The following SLC2A13 variants were observed in gnomAD, a reference collection of about 807,000 sequenced individuals.
The protein encoded by SLC2A13 is solute carrier family 2 member 13.
A neutral mutation model predicts 64.4 loss-of-function variants in SLC2A13; 32 were observed. The observed-to-expected ratio is 0.50, with a 90% CI of 0.37 to 0.67. The LOEUF (loss-of-function observed/expected upper bound fraction) is 0.67. Ranked by LOEUF, SLC2A13 falls within the 30% of genes least tolerant of loss-of-function variation. The pLI is 0.00. For missense variants in SLC2A13, 743 were observed against 829.2 expected (o/e 0.90, Z 1.28); for synonymous variants, 338 against 327.1 (o/e 1.03, Z -0.36).
At chr12:40,087,799 G>A (rs1033694475) in intron 1 of SLC2A13, among the ~76,000 whole-genome samples, 9 of 152,030 alleles carry the variant, frequency 5.9e-5, no homozygotes, top group Non-Finnish European at 1.3e-4. Context: ...GAAACCTAGG[G>A]CTCAGAAGGG....
chr12:39,837,286 T>C (rs1943037341), intron 6 of SLC2A13, among the ~76,000 whole-genome samples: 1 of 149,558 alleles, frequency 6.7e-6, no homozygotes, highest in Non-Finnish European at 1.5e-5. Flanking sequence ...TGGCTAGCCA[T>C]ATGTAGGAAG....
rs1397912164 is a variant in SLC2A13, at chr12:39,755,470, T to C, written c.*4556A>G. 2.0e-5 allele frequency: 3 copies of C among 152,246 alleles called. No homozygotes were observed. The highest frequency in any genetic ancestry group is 7.2e-5 in the African/African-American group (3 of 41,568). 9.4% of individuals were successfully genotyped at this position (152,246 alleles called of 1,614,324 possible). On this transcript the variant is annotated 3_prime_UTR_variant, in exon 10 of 10. Coordinates refer to ENST00000280871, the MANE Select transcript of SLC2A13 (RefSeq NM_052885.4). ...AATATTTATTACAAATAAAAGATACTTTAACATCAAGTGATATATAGTCCA... is the reference window on the plus strand; with the variant it reads ...AATATTTATTACAAATAAAAGATACCTTAACATCAAGTGATATATAGTCCA...
At position 39,758,688 on chromosome 12, in the gene SLC2A13, C is replaced by T. The variant is rs1255003206; in HGVS notation, c.*1338G>A. 6.6e-6 allele frequency: 1 copy of T among 151,870 alleles called. No individual in the cohort carries two copies. The highest frequency in any genetic ancestry group is 6.6e-5 in the Admixed American group (1 of 15,218). 9.4% of individuals were successfully genotyped at this position (151,870 alleles called of 1,614,324 possible). ...TAAGCCTGCATTTCTTATAGACGTGCTATATTAGAACCAATTATCTGTTCC... is the reference window on the plus strand; with the variant it reads ...TAAGCCTGCATTTCTTATAGACGTGTTATATTAGAACCAATTATCTGTTCC... On this transcript the variant is annotated 3_prime_UTR_variant, in exon 10 of 10. Transcript: ENST00000280871.
intron 4 of SLC2A13, among the ~76,000 whole-genome samples, chr12:39,940,831 C>G (rs1238264252): frequency 1.3e-5 from 2 of 151,776 alleles, no homozygotes; most frequent in African/African-American, 4.8e-5. Context: ...GTATATACTG[C>G]ACCATATTTG....
chr12:40,005,814 G>T (rs1947406009), intron 3 of SLC2A13, among the ~76,000 whole-genome samples: 1 of 152,032 alleles, frequency 6.6e-6, no homozygotes, highest in Admixed American at 6.6e-5. Flanking sequence ...GTATCTGAGG[G>T]GTATCCTGGA....
At chr12:40,028,639 A>G in intron 2 of SLC2A13, 130 bp from the exon 3 acceptor site, 1 of 817,118 alleles carries the variant, frequency 1.2e-6, no homozygotes, top group South Asian at 1.9e-5. Flanking sequence ...TTGTGCATTT[A>G]TGTGTGTGTC....
chr12:40,071,135 TAAA>T, intron 1 of SLC2A13, among the ~76,000 whole-genome samples: 1 of 152,172 alleles, frequency 6.6e-6, no homozygotes, highest in East Asian at 1.9e-4. Context: ...CTAAGCATCT[TAAA>T]AAGTCCATTT....
Position 39,920,726 on chromosome 12 carries a change from G to T in SLC2A13, c.1034+30531C>A, listed in dbSNP as rs1023698705. Among the ~76,000 whole-genome samples the T allele has an allele frequency of 2.0e-5, 3 of 152,046 alleles. 1 individual carries two copies. The highest frequency in any genetic ancestry group is 4.4e-5 in the Non-Finnish European group (3 of 68,022). ...AGCTTCTGTATCTATAAAACCAGCAGAGAAATCATATCAACCACATAAAGG... is the reference window on the plus strand; with the variant it reads ...AGCTTCTGTATCTATAAAACCAGCATAGAAATCATATCAACCACATAAAGG... On this transcript the variant is annotated intron_variant, in intron 4 of 9. Coordinates refer to ENST00000280871, the MANE Select transcript of SLC2A13 (RefSeq NM_052885.4).
intron 4 of SLC2A13, among the ~76,000 whole-genome samples, chr12:39,926,390 C>T (rs1050707312): frequency 6.6e-6 from 1 of 152,100 alleles, no homozygotes; most frequent in Non-Finnish European, 1.5e-5. Context: ...GCTACCCAGA[C>T]TTTTATTATA....
At chr12:40,057,728 C>T (rs1204425299) in intron 1 of SLC2A13, among the ~76,000 whole-genome samples, 1 of 152,072 alleles carries the variant, frequency 6.6e-6, no homozygotes, top group Non-Finnish European at 1.5e-5. Context: ...ATAACAATGG[C>T]TAAGAATTTT....
chr12:39,796,188 A>G (rs1035211521), intron 7 of SLC2A13, among the ~76,000 whole-genome samples: 1 of 152,178 alleles, frequency 6.6e-6, no homozygotes, highest in Non-Finnish European at 1.5e-5. Context: ...TATGCATGGC[A>G]ATTTTCATAT....
At chr12:40,050,730 G>A (rs1948241075) in intron 1 of SLC2A13, among the ~76,000 whole-genome samples, 1 of 152,152 alleles carries the variant, frequency 6.6e-6, no homozygotes, top group African/African-American at 2.4e-5. Flanking sequence ...ACCCAATTTT[G>A]ATGGCACAAA....
At chr12:39,773,252 C>G (rs1161889990) in intron 7 of SLC2A13, among the ~76,000 whole-genome samples, 9 of 152,068 alleles carry the variant, frequency 5.9e-5, no homozygotes, top group Non-Finnish European at 1.2e-4. Flanking sequence ...CTGCAGTGGA[C>G]AAAGCAGCAG....
chr12:40,023,046 C>G (rs28370677), intron 3 of SLC2A13, among the ~76,000 whole-genome samples: 1 of 152,194 alleles, frequency 6.6e-6, no homozygotes, highest in African/African-American at 2.4e-5. Flanking sequence ...CCTTCCTTTA[C>G]TCAATCTGTC....
chr12:39,904,977 A>G (rs1945227739), intron 4 of SLC2A13, among the ~76,000 whole-genome samples: 1 of 152,072 alleles, frequency 6.6e-6, no homozygotes, highest in Admixed American at 6.6e-5. Context: ...AACTATCCCA[A>G]TCTCAACTGT....
intron 4 of SLC2A13, among the ~76,000 whole-genome samples, chr12:39,937,157 C>T (rs76459387): frequency 0.024 from 3,683 of 152,238 alleles, 77 homozygotes; most frequent in Non-Finnish European, 0.03. Context: ...AAATGTAAAT[C>T]TGGGAAGAGG....
At chr12:40,036,346 A>T (rs1404543243) in intron 2 of SLC2A13, among the ~76,000 whole-genome samples, 1 of 152,234 alleles carries the variant, frequency 6.6e-6, no homozygotes, top group Non-Finnish European at 1.5e-5. Context: ...TATACAAGAA[A>T]ATGCAGAGAT....
chr12:39,979,378 C>T (rs1783724385), intron 3 of SLC2A13, among the ~76,000 whole-genome samples: 1 of 147,378 alleles, frequency 6.8e-6, no homozygotes, highest in African/African-American at 2.5e-5. Context: ...TTACTCTGAG[C>T]TACGGGAGGA....
chr12:40,078,615 GC>G (rs1938273872), intron 1 of SLC2A13, among the ~76,000 whole-genome samples: 1 of 152,026 alleles, frequency 6.6e-6, no homozygotes, highest in Non-Finnish European at 1.5e-5. Context: ...TATTGTGTCT[GC>G]CATATTTTGG....
Sources: allele counts gnomAD v4.1 joint callset (sites outside exome capture counted in the v4.1 genomes callset), GRCh38; gene constraint gnomAD v4.1.1; transcripts MANE v1.5; gene names NCBI Gene and HGNC (gene_info 2026-07-23, HGNC 2026-07-21).